Variants in OLA1 observed in about 807,000 individuals in gnomAD.
The protein encoded by OLA1 is Obg like ATPase 1.
A neutral mutation model predicts 48.4 loss-of-function variants in OLA1; 14 were observed. That is an observed-to-expected ratio of 0.29 (90% CI 0.19 to 0.45). The LOEUF (loss-of-function observed/expected upper bound fraction) is 0.45. Among genes scored for constraint, OLA1 ranks in the 20% least tolerant of loss-of-function variants. OLA1 has a pLI of 1.00. For missense variants in OLA1, 325 were observed against 467.1 expected (o/e 0.70, Z 2.80); for synonymous variants, 127 against 150.4 (o/e 0.84, Z 1.14).
intron 5 of OLA1, among the ~76,000 whole-genome samples, chr2:174,127,072 C>G (rs189353145): frequency 6.6e-6 from 1 of 152,294 alleles, no homozygotes; most frequent in African/African-American, 2.4e-5. Context: ...CAGAGCTTCA[C>G]ATTTAAAATT....
At chr2:174,177,399 G>C (rs894202651) in intron 4 of OLA1, among the ~76,000 whole-genome samples, 6 of 152,106 alleles carry the variant, frequency 3.9e-5, no homozygotes, top group South Asian at 2.1e-4. Flanking sequence ...AATCATCCAT[G>C]ATGAGAAGAG....
intron 4 of OLA1, among the ~76,000 whole-genome samples, chr2:174,202,556 A>G (rs1307059136): frequency 3.9e-5 from 6 of 152,308 alleles, no homozygotes; most frequent in Non-Finnish European, 5.9e-5. Context: ...AAGTGCCACT[A>G]GTGATGCTGG....
chr2:174,111,524 C>G (rs1160130735), intron 7 of OLA1, among the ~76,000 whole-genome samples: 2 of 152,152 alleles, frequency 1.3e-5, no homozygotes, highest in African/African-American at 4.8e-5. Flanking sequence ...CCCCAAAGTG[C>G]AGCATATAAT....
chr2:174,225,231 C>T (rs918665178), intron 3 of OLA1, among the ~76,000 whole-genome samples: 2 of 152,140 alleles, frequency 1.3e-5, no homozygotes, highest in African/African-American at 2.4e-5. Flanking sequence ...CACACCCACT[C>T]CCCTTTTCAT....
intron 2 of OLA1, 141 bp downstream of exon 2, chr2:174,246,574 C>G: frequency 3.2e-6 from 2 of 626,348 alleles, no homozygotes; most frequent in Non-Finnish European, 5.7e-6. Context: ...AAACTAAAGC[C>G]TAATTTTGCA....
chr2:174,205,016 GTA>G (rs958222508), intron 4 of OLA1, among the ~76,000 whole-genome samples: 1 of 152,098 alleles, frequency 6.6e-6, no homozygotes, highest in Non-Finnish European at 1.5e-5. Context: ...AGCACCATAA[GTA>G]TATAAACAGC....
intron 4 of OLA1, among the ~76,000 whole-genome samples, chr2:174,162,921 TG>T (rs1687047512): frequency 6.6e-6 from 1 of 152,138 alleles, no homozygotes; most frequent in South Asian, 2.1e-4. Context: ...GGAACGTGTA[TG>T]TAGTCCCAGC....
intron 4 of OLA1, among the ~76,000 whole-genome samples, chr2:174,212,305 A>G (rs1037778162): frequency 6.6e-6 from 1 of 152,242 alleles, no homozygotes; most frequent in Admixed American, 6.5e-5. Context: ...ATTTAAATAT[A>G]AAGTACAGTA....
At chr2:174,223,198 T>C (rs1313089451) in intron 3 of OLA1, 38 bp from the exon 4 acceptor site, 1 of 1,585,380 alleles carries the variant, frequency 6.3e-7, no homozygotes, top group African/African-American at 1.3e-5. Flanking sequence ...AAAACAGTAC[T>C]AAAAACTTAT....
chr2:174,113,146 T>C (rs560517566), intron 7 of OLA1, among the ~76,000 whole-genome samples: 33 of 152,144 alleles, frequency 2.2e-4, no homozygotes, highest in African/African-American at 7.7e-4. Context: ...GGTTTCACCA[T>C]GTCGGTCAGG....
chr2:174,183,037 C>A (rs141845644), intron 4 of OLA1, among the ~76,000 whole-genome samples: 2 of 151,984 alleles, frequency 1.3e-5, no homozygotes, highest in Non-Finnish European at 2.9e-5. Flanking sequence ...TGGCTCCATA[C>A]GATCTCTAAA....
At chr2:174,194,458 A>G (rs1687839702) in intron 4 of OLA1, among the ~76,000 whole-genome samples, 1 of 152,086 alleles carries the variant, frequency 6.6e-6, no homozygotes, top group Non-Finnish European at 1.5e-5. Flanking sequence ...CTTACATTTT[A>G]AAGTTAGTCA....
At position 174,074,713 on chromosome 2, in the gene OLA1, T is replaced by C. The variant is rs1684685611; in HGVS notation, c.*713A>G. 1 of 152,406 alleles carries C rather than the reference T, an allele frequency of 6.6e-6. No homozygotes were observed. Among genetic ancestry groups the C allele is most frequent in the Non-Finnish European group, 1.5e-5 (1 of 68,042 alleles). The allele number at this position is 152,406 out of a possible 1,614,324, so 9.4% of individuals were successfully genotyped here. ...AATTCTTTAATTTTTGAGACAGAAT[T>C]TTCTTCTTTGTGGTCAGTCACCTAT... On this transcript the variant is annotated 3_prime_UTR_variant, in exon 11 of 11. Coordinates refer to ENST00000284719, the MANE Select transcript of OLA1 (RefSeq NM_013341.5).
intron 4 of OLA1, among the ~76,000 whole-genome samples, chr2:174,217,418 C>T (rs1688386770): frequency 6.6e-6 from 1 of 151,400 alleles, no homozygotes; most frequent in Non-Finnish European, 1.5e-5. Flanking sequence ...TAATTATTAT[C>T]TAAAAATATG....
intron 3 of OLA1, among the ~76,000 whole-genome samples, chr2:174,226,272 C>T (rs1688615886): frequency 6.6e-6 from 1 of 151,350 alleles, no homozygotes; most frequent in Admixed American, 6.6e-5. Flanking sequence ...AAGGTTTAAA[C>T]TATTAATACA....
intron 4 of OLA1, among the ~76,000 whole-genome samples, chr2:174,221,071 T>C (rs1008405328): frequency 2.0e-5 from 3 of 152,210 alleles, no homozygotes; most frequent in Admixed American, 6.5e-5. Flanking sequence ...CAGTGCTTTA[T>C]GTACTATACA....
intron 2 of OLA1, among the ~76,000 whole-genome samples, chr2:174,243,085 T>G (rs573190713): frequency 2.6e-5 from 4 of 152,078 alleles, no homozygotes; most frequent in African/African-American, 9.7e-5. Context: ...CTCAGCTCAC[T>G]GATACCTCCG....
rs149381504 is a variant in OLA1 at position 174,080,218 on chromosome 2, G to A, written c.966+934C>T. ...CAAGGCATTTAACATTATGTTAACT[G>A]CCTCCATGTTTCTATCCATATTAAA... On this transcript the variant is annotated intron_variant, in intron 9 of 10. Transcript: ENST00000284719. Among the ~76,000 whole-genome samples, 32 of 152,008 alleles carry A rather than the reference G, an allele frequency of 2.1e-4. No homozygotes were observed. The East Asian group carries it at 5.4e-3, about 26-fold the overall frequency.
At chr2:174,246,129 G>A (rs371538311) in intron 2 of OLA1, among the ~76,000 whole-genome samples, 3 of 151,214 alleles carry the variant, frequency 2.0e-5, no homozygotes, top group African/African-American at 7.3e-5. Flanking sequence ...GTGAAACCCC[G>A]TCTCTACTAA....
Sources: gnomAD v4.1 joint callset for allele counts (sites outside exome capture counted in the v4.1 genomes callset) on GRCh38, gnomAD v4.1.1 for gene constraint, MANE v1.5 for transcripts, NCBI Gene and HGNC (gene_info 2026-07-23, HGNC 2026-07-21) for gene names.